HTRA4: variants seen among roughly 807,000 people sequenced by gnomAD.
HTRA4 encodes serine protease HTRA4.
A neutral mutation model predicts 49.1 loss-of-function variants in HTRA4; 46 were observed. The ratio of observed to expected loss-of-function variants is 0.94; its 90% CI spans 0.74 to 1.20. The LOEUF is 1.20. Among genes scored for constraint, HTRA4 ranks in the 50% most tolerant of loss-of-function variants. The pLI, the probability that HTRA4 is intolerant of heterozygous loss-of-function variation, is 0.00. For missense variants in HTRA4, 602 were observed against 636.9 expected, an observed-to-expected ratio of 0.95 and a Z score of 0.59; for synonymous variants, 261 against 264.0, an observed-to-expected ratio of 0.99 and a Z score of 0.11.
rs556082717 is a variant in HTRA4, at chr8:38,974,617, C to G, written c.354C>G (p.Ser118Arg). The G allele has an allele frequency of 2.0e-5, 28 of 1,425,828 alleles. 1 individual carries two copies. In the South Asian group the frequency reaches 3.7e-4, roughly 19 times the overall value. 88.3% of individuals were successfully genotyped at this position (1,425,828 alleles called of 1,614,324 possible). Residue 118 changes from serine (S) to arginine (R), a missense_variant, in exon 1 of 9, where the codon AGC (serine) becomes AGG (arginine). By Grantham distance (110) the Ser-to-Arg change is moderately radical. Transcript: ENST00000302495. ...CPTLGGAVCG[S>R]DRRTYPSMCA... ...CGCTGGGAGGGGCCGTGTGCGGCAG[C>G]GACAGGCGCACCTACCCCAGCATGT... is the stretch of plus-strand genomic sequence containing the variant.
At chr8:38,981,835 G>A in intron 6 of HTRA4, 68 bp downstream of exon 6, 1 of 1,112,622 alleles carries the variant, frequency 9.0e-7, no homozygotes. Context: ...TCAATCTTTT[G>A]TGGTGACAGC....
At position 38,974,675 on chromosome 8, in the gene HTRA4, C is replaced by A; in HGVS notation, c.412C>A (p.Arg138Ser). The A allele has an allele frequency of 7.1e-7, 1 of 1,400,864 alleles. No homozygotes were observed. Among genetic ancestry groups the A allele is most frequent in the South Asian group, 1.6e-5 (1 of 61,410 alleles). 86.8% of individuals were successfully genotyped at this position (1,400,864 alleles called of 1,614,324 possible). ...CCGGGCCGAAAACCGCGCCGCGCGCCGCCTGGGCAAGGTCCCGGCCGTGCC... is the reference window on the plus strand; with the variant it reads ...CCGGGCCGAAAACCGCGCCGCGCGCAGCCTGGGCAAGGTCCCGGCCGTGCC... The part of the protein sequence containing the change: ...ALRAENRAAR[R>S]LGKVPAVPVQ... The change falls in exon 1 of 9, where the codon CGC becomes AGC. Residue 138 changes from arginine to serine, a missense_variant. Physicochemically the swap from Arg to Ser is moderately radical, Grantham distance 110. Transcript: ENST00000302495.
chr8:38,984,748 AAAAAAAC>A (rs1185329269), intron 8 of HTRA4, among the ~76,000 whole-genome samples: 13 of 151,856 alleles, frequency 8.6e-5, no homozygotes, highest in Admixed American at 6.6e-4. Flanking sequence ...GACCCCATTT[AAAAAAAC>A]AAAAAACAAA....
intron 8 of HTRA4, among the ~76,000 whole-genome samples, chr8:38,985,402 G>A (rs1270316315): frequency 5.9e-5 from 9 of 152,072 alleles, no homozygotes; most frequent in Admixed American, 1.3e-4. Context: ...CTTGTGATCC[G>A]CCTGCCTCGG....
At chr8:38,974,980 A>G in intron 1 of HTRA4, 51 bp from the exon 2 acceptor site, 1 of 1,593,862 alleles carries the variant, frequency 6.3e-7, no homozygotes, top group Non-Finnish European at 8.6e-7. Flanking sequence ...CAACTAGGAT[A>G]GCAGGTCTGG....
intron 8 of HTRA4, among the ~76,000 whole-genome samples, chr8:38,987,707 T>C (rs918702994): frequency 7.9e-5 from 12 of 152,148 alleles, no homozygotes; most frequent in Non-Finnish European, 1.8e-4. Flanking sequence ...ATGATTCTGA[T>C]AGGAAATTAA....
intron 6 of HTRA4, 42 bp from the exon 7 acceptor site, chr8:38,982,456 G>A (rs1309968782): frequency 6.4e-7 from 1 of 1,559,744 alleles, no homozygotes; most frequent in Admixed American, 1.7e-5. Flanking sequence ...GCGCTAACAG[G>A]AAAGAGGTTT....
Position 38,974,402 on chromosome 8 carries a change from ACGCGCTGCCC to A in HTRA4, c.150_159del (p.Ala51ProfsTer153), listed in dbSNP as rs758477778. ...CTCCTGCCCCGCGGTCTGCCAGCCC[ACGCGCTGCCC>A]CGCGCTGCCCACCTGCGCGCTGGGG... is the stretch of plus-strand genomic sequence containing the variant. On this transcript the variant is annotated frameshift_variant, in exon 1 of 9. Coordinates refer to ENST00000302495, the MANE Select transcript of HTRA4 (RefSeq NM_153692.4). LOFTEE classifies it high-confidence loss of function. 2.1e-5 allele frequency: 33 copies of A among 1,562,086 alleles called. No homozygotes were observed. In the East Asian group the frequency reaches 2.4e-4, roughly 11 times the overall value.
Position 38,978,052 on chromosome 8 carries a change from A to T in HTRA4, c.871A>T (p.Thr291Ser). ...GSPFSLQNTA[T>S]AGIVSTKQRG... ...CCCATTTTCTCTGCAGAACACAGCT[A>T]CTGCAGGAATTGTCAGCACCAAACA... is the stretch of plus-strand genomic sequence containing the variant. Residue 291 changes from threonine (T) to serine (S), a missense_variant, in exon 4 of 9, where the codon ACT becomes TCT. By Grantham distance (58) the Thr-to-Ser change is moderately conservative. Transcript: ENST00000302495. 1.2e-6 allele frequency: 2 copies of T among 1,613,992 alleles called. No individual in the cohort carries two copies. Among genetic ancestry groups the T allele is most frequent in the Non-Finnish European group, 1.7e-6 (2 of 1,179,878 alleles).
intron 1 of HTRA4, 33 bp downstream of exon 1, chr8:38,974,762 T>C: frequency 7.1e-7 from 1 of 1,415,376 alleles, no homozygotes; most frequent in Non-Finnish European, 9.2e-7. Context: ...CTCGGAACAC[T>C]TTCTAACTCT....
chr8:38,982,888 T>C, intron 7 of HTRA4, 65 bp from the exon 8 acceptor site: 1 of 1,120,604 alleles, frequency 8.9e-7, no homozygotes, highest in East Asian at 2.4e-5. Flanking sequence ...CTACTAAGAA[T>C]TTCAGGCTTT....
intron 4 of HTRA4, 52 bp from the exon 5 acceptor site, chr8:38,979,163 G>T: frequency 1.3e-6 from 2 of 1,490,534 alleles, no homozygotes; most frequent in South Asian, 1.1e-5. Flanking sequence ...AAAGGACAAG[G>T]GGGAATGTAT....
rs1210589913 is a variant in HTRA4 at position 38,974,482 on chromosome 8, C to T, written c.219C>T (p.Pro73=). 6.6e-7 allele frequency: 1 copy of T among 1,521,972 alleles called. No individual in the cohort carries two copies. Among genetic ancestry groups the T allele is most frequent in the Non-Finnish European group, 8.8e-7 (1 of 1,141,330 alleles). 94.3% of individuals were successfully genotyped at this position (1,521,972 alleles called of 1,614,324 possible). ...FDLCRCCRVC[P]AAEREVCGGA... ...TGTGCCGCTGTTGCCGCGTCTGCCC[C>T]GCGGCCGAGCGTGAAGTCTGCGGCG... Residue 73 remains proline, a synonymous_variant, in exon 1 of 9, where the codon CCC becomes CCT. Transcript: ENST00000302495.
At chr8:38,976,388 A>AT in intron 2 of HTRA4, 147 bp from the exon 3 acceptor site, 1 of 772,798 alleles carries the variant, frequency 1.3e-6, no homozygotes, top group Non-Finnish European at 2.0e-6. Context: ...ACAGAGCGAG[A>AT]TTCTGTCTCA....
intron 2 of HTRA4, 146 bp from the exon 3 acceptor site, chr8:38,976,389 T>C (rs1171193938): frequency 1.3e-6 from 1 of 774,318 alleles, no homozygotes; most frequent in South Asian, 1.9e-5. Flanking sequence ...CAGAGCGAGA[T>C]TCTGTCTCAA....
rs1028561686 is a variant in HTRA4, at chr8:38,988,151, C to T, written c.*53C>T. ...AAAAAAAAAAAAACCAGTTATATCA[C>T]GTGGTTTGTATTGGAGATGTGCCAA... On this transcript the variant is annotated 3_prime_UTR_variant, in exon 9 of 9. Coordinates refer to ENST00000302495, the MANE Select transcript of HTRA4 (RefSeq NM_153692.4). 16 of 1,440,148 alleles carry T rather than the reference C, an allele frequency of 1.1e-5. No homozygotes were observed. The Admixed American group carries it at 1.4e-4, about 12-fold the overall frequency. 89.2% of individuals were successfully genotyped at this position (1,440,148 alleles called of 1,614,324 possible).
Position 38,976,691 on chromosome 8 carries a change from G to A in HTRA4, c.723G>A (p.Lys241=). The part of the protein sequence containing the change: ...QNGARYEAVV[K]DIDLKLDLAV... ...GGGCCCGTTATGAAGCTGTTGTCAAGGATATTGACCTTAAATTGGATCTTG... is the reference window on the plus strand; with the variant it reads ...GGGCCCGTTATGAAGCTGTTGTCAAAGATATTGACCTTAAATTGGATCTTG... Residue 241 remains lysine (K), a synonymous_variant, in exon 3 of 9, where the codon AAG becomes AAA. Transcript: ENST00000302495. The A allele has an allele frequency of 6.2e-7, 1 of 1,614,184 alleles. No homozygotes were observed. The highest frequency in any genetic ancestry group is 8.5e-7 in the Non-Finnish European group (1 of 1,180,038).
chr8:38,976,384 C>T lies in HTRA4; in HGVS notation c.567-151C>T, dbSNP rs943359099. 41 of 750,662 alleles carry T rather than the reference C, an allele frequency of 5.5e-5. No individual in the cohort carries two copies. In the South Asian group the frequency reaches 6.0e-4, roughly 11 times the overall value. The allele number at this position is 750,662 out of a possible 1,614,324, so 46.5% of individuals were successfully genotyped here. A position where few individuals can be genotyped will look rare whatever the true frequency, so the allele number is the denominator to read the frequency against. The stretch of plus-strand genomic sequence containing the variant: ...CTGCACTCCAGCTTGGGCAACAGAG[C>T]GAGATTCTGTCTCAAAAAAGAAAAA... On this transcript the variant is annotated intron_variant, in intron 2 of 8. Transcript: ENST00000302495.
chr8:38,985,585 G>A (rs1229490714), intron 8 of HTRA4, among the ~76,000 whole-genome samples: 1 of 152,182 alleles, frequency 6.6e-6, no homozygotes, highest in African/African-American at 2.4e-5. Flanking sequence ...GTTCAGCACA[G>A]CAGTCATAGG....
Sources: allele counts gnomAD v4.1 joint callset (sites outside exome capture counted in the v4.1 genomes callset), GRCh38; gene constraint gnomAD v4.1.1; transcripts MANE v1.5; gene names NCBI Gene and HGNC (gene_info 2026-07-23, HGNC 2026-07-21).